Variants in PSIP1 observed in about 807,000 individuals in gnomAD.
PSIP1 encodes PC4 and SRSF1 interacting protein 1.
A neutral mutation model predicts 74.7 loss-of-function variants in PSIP1; 19 were observed. That is an observed-to-expected ratio of 0.25 (90% CI 0.18 to 0.37). PSIP1 has a LOEUF of 0.37. PSIP1 is among the 10% of genes least tolerant of loss of function. The pLI, the probability that PSIP1 is intolerant of heterozygous loss-of-function variation, is 1.00. For synonymous variants in PSIP1, 222 were observed against 195.3 expected (o/e 1.14, Z -1.14); for missense variants, 601 against 614.3 (o/e 0.98, Z 0.23).
chr9:15,510,650 A>C (rs1355288132), intron 1 of PSIP1, among the ~76,000 whole-genome samples, 167 bp downstream of exon 1: 1 of 151,996 alleles, frequency 6.6e-6, no homozygotes, highest in African/African-American at 2.4e-5. Context: ...GATTCCGAGA[A>C]GCGAGCGGCC....
chr9:15,489,960 A>C, intron 4 of PSIP1, 26 bp downstream of exon 4: 1 of 1,488,476 alleles, frequency 6.7e-7, no homozygotes, highest in East Asian at 2.4e-5. Context: ...AATAAGTAAT[A>C]TCAAATTTTA....
At chr9:15,471,785 T>G (rs1420783761) in intron 10 of PSIP1, 1 of 945,392 alleles carries the variant, frequency 1.1e-6, no homozygotes, top group African/African-American at 1.8e-5. Flanking sequence ...TACAAAATTG[T>G]TCAAGAATTG....
At chr9:15,470,592 A>T (rs2035781054) in intron 10 of PSIP1, 2 of 947,346 alleles carry the variant, frequency 2.1e-6, no homozygotes, top group South Asian at 4.9e-5. Context: ...CCATATTATG[A>T]ACCAATTCAA....
chr9:15,466,757 G>C lies in PSIP1; in HGVS notation c.1523C>G (p.Thr508Arg), dbSNP rs752789885. The C allele has an allele frequency of 6.8e-6, 11 of 1,606,778 alleles. 1 individual carries two copies. The South Asian group carries it at 9.0e-5, about 13-fold the overall frequency. The stretch of plus-strand genomic sequence containing the variant: ...AAAACCTATTCCTCACTTTTTCTTC[G>C]TGCTGGCTTCATGGTTGTCTTTGCT... Reference protein sequence around the residue: ...EDSKDNHEASTKKKPSSEERE... With the variant: ...EDSKDNHEASRKKKPSSEERE... The change falls in exon 15 of 16, where the codon ACG (threonine) becomes AGG (arginine). Residue 508 changes from threonine (T) to arginine (R), a missense_variant. Physicochemically the swap from Thr to Arg is moderately conservative, Grantham distance 71. Transcript: ENST00000380733.
intron 3 of PSIP1, among the ~76,000 whole-genome samples, chr9:15,497,346 CAG>C (rs1482805524): frequency 4.5e-5 from 4 of 89,018 alleles, no homozygotes; most frequent in Admixed American, 3.9e-4. Context: ...TTTTTTGAGA[CAG>C]AGTCTTGCTC....
intron 2 of PSIP1, 107 bp downstream of exon 2, chr9:15,510,010 A>C (rs2132259990): frequency 8.6e-7 from 1 of 1,163,118 alleles, no homozygotes; most frequent in East Asian, 2.7e-5. Context: ...AATGAGACTA[A>C]AGCGAGGGAG....
At chr9:15,481,465 G>C (rs767737065) in intron 6 of PSIP1, among the ~76,000 whole-genome samples, 2 of 152,182 alleles carry the variant, frequency 1.3e-5, no homozygotes, top group African/African-American at 4.8e-5. Flanking sequence ...TGGGAGGCTG[G>C]GGCTAGCAGA....
At chr9:15,479,761 T>C in intron 6 of PSIP1, 74 bp from the exon 7 acceptor site, 1 of 1,125,798 alleles carries the variant, frequency 8.9e-7, no homozygotes. Flanking sequence ...GGCAAAAATA[T>C]GCCAGTCTAT....
chr9:15,479,388 T>TA (rs2036239188), intron 7 of PSIP1, among the ~76,000 whole-genome samples: 1 of 152,096 alleles, frequency 6.6e-6, no homozygotes, highest in African/African-American at 2.4e-5. Flanking sequence ...AGGGAAAACA[T>TA]AACAGAGATA....
At chr9:15,488,696 C>G (rs2036668290) in intron 4 of PSIP1, among the ~76,000 whole-genome samples, 2 of 152,088 alleles carry the variant, frequency 1.3e-5, no homozygotes, top group Admixed American at 1.3e-4. Context: ...ACCATCCTGG[C>G]TAACAAGGTG....
intron 6 of PSIP1, 70 bp downstream of exon 6, chr9:15,485,934 CTA>C: frequency 7.6e-7 from 1 of 1,309,198 alleles, no homozygotes; most frequent in Non-Finnish European, 1.1e-6. Flanking sequence ...TTCATTGTAT[CTA>C]CTCTCCCTCA....
chr9:15,472,533 A>G (rs2035883818), intron 10 of PSIP1, 99 bp downstream of exon 10: 1 of 1,479,200 alleles, frequency 6.8e-7, no homozygotes, highest in Non-Finnish European at 8.9e-7. Context: ...CACTTCTTCA[A>G]AAGGCTTCAT....
intron 9 of PSIP1, 71 bp downstream of exon 9, chr9:15,473,920 AAAAAAACAAAAAAAAAAC>A: frequency 8.1e-6 from 7 of 869,280 alleles, no homozygotes; most frequent in African/African-American, 4.1e-5. Context: ...AAAAACAAAA[AAAAAAACAAAAAAAAAAC>A]AAAGAAAAAA....
At chr9:15,505,756 T>G (rs2037558657) in intron 3 of PSIP1, 1 of 152,200 alleles carries the variant, frequency 6.6e-6, no homozygotes, top group African/African-American at 2.4e-5. Context: ...TTAAAGACAT[T>G]GTGTGAAAGT....
At chr9:15,472,067 CA>C (rs1411017259) in intron 10 of PSIP1, 1 of 978,540 alleles carries the variant, frequency 1.0e-6, no homozygotes, top group Non-Finnish European at 1.2e-6. Context: ...AGAAATTCCC[CA>C]TGGCAAGTCC....
chr9:15,487,808 G>A (rs768084868), intron 4 of PSIP1, among the ~76,000 whole-genome samples: 3 of 152,184 alleles, frequency 2.0e-5, no homozygotes, highest in Non-Finnish European at 4.4e-5. Flanking sequence ...TTTGTTCACA[G>A]AGGCAACATA....
chr9:15,488,880 G>C (rs2036687452), intron 4 of PSIP1, among the ~76,000 whole-genome samples: 1 of 152,114 alleles, frequency 6.6e-6, no homozygotes, highest in Non-Finnish European at 1.5e-5. Flanking sequence ...AATTAGCCGG[G>C]TGTGGTGGCG....
At chr9:15,479,322 T>G (rs1340087543) in intron 7 of PSIP1, among the ~76,000 whole-genome samples, 1 of 152,122 alleles carries the variant, frequency 6.6e-6, no homozygotes, top group Non-Finnish European at 1.5e-5. Flanking sequence ...AAAGGTAAAA[T>G]AAACCCATTA....
At chr9:15,494,019 G>A (rs993803952) in intron 3 of PSIP1, among the ~76,000 whole-genome samples, 10 of 152,124 alleles carry the variant, frequency 6.6e-5, no homozygotes, top group East Asian at 1.9e-4. Context: ...AAAGCTAGAC[G>A]TAAGTATGTT....
Sources: gnomAD v4.1 joint callset for allele counts (sites outside exome capture counted in the v4.1 genomes callset) on GRCh38, gnomAD v4.1.1 for gene constraint, MANE v1.5 for transcripts, NCBI Gene and HGNC (gene_info 2026-07-23, HGNC 2026-07-21) for gene names.